The following SYNE2 variants were observed in gnomAD, a reference collection of about 807,000 sequenced individuals.
SYNE2 encodes spectrin repeat containing nuclear envelope protein 2, also known as nesprin-2.
SYNE2 carries 431 observed loss-of-function variants against 856.3 expected under a neutral mutation model. The ratio of observed to expected loss-of-function variants is 0.50; its 90% confidence interval spans 0.47 to 0.55. The LOEUF is 0.55. Ranked by LOEUF, SYNE2 falls within the 20% of genes least tolerant of loss-of-function variation. SYNE2 has a pLI of 0.00. For missense variants in SYNE2, 8,129 were observed against 8,023.2 expected, an observed-to-expected ratio of 1.01 and a Z score of -0.50; for synonymous variants, 2,923 against 2,872.3, an observed-to-expected ratio of 1.02 and a Z score of -0.56.
intron 10 of SYNE2, among the ~76,000 whole-genome samples, chr14:63,965,354 C>T (rs1269295655): frequency 6.6e-6 from 1 of 152,106 alleles, no homozygotes; most frequent in Admixed American, 6.6e-5. Flanking sequence ...CCCAGTTTTA[C>T]AGATGAAGAT....
intron 2 of SYNE2, among the ~76,000 whole-genome samples, chr14:63,939,880 A>G (rs901719088): frequency 2.0e-5 from 3 of 152,178 alleles, no homozygotes; most frequent in African/African-American, 4.8e-5. Flanking sequence ...TTCAGTGGCG[A>G]TATATTCTCC....
intron 1 of SYNE2, among the ~76,000 whole-genome samples, chr14:63,821,612 G>A (rs1482590441): frequency 6.6e-6 from 1 of 151,786 alleles, no homozygotes; most frequent in African/African-American, 2.4e-5. Context: ...AAATTAGCTG[G>A]GCATGGCAGT....
At chr14:63,887,312 A>G (rs781562324) in intron 1 of SYNE2, among the ~76,000 whole-genome samples, 83 of 152,304 alleles carry the variant, frequency 5.4e-4, no homozygotes, top group Admixed American at 2.1e-3. Flanking sequence ...AAGAAACCCT[A>G]AATGTATGGA....
At chr14:63,942,465 C>T (rs1480762411) in intron 6 of SYNE2, among the ~76,000 whole-genome samples, 5 of 151,832 alleles carry the variant, frequency 3.3e-5, no homozygotes, top group South Asian at 2.1e-4. Flanking sequence ...ACTACAGATG[C>T]GCGCCACCAT....
At chr14:64,090,799 A>T in intron 59 of SYNE2, 67 bp from the exon 60 acceptor site, 1 of 1,367,680 alleles carries the variant, frequency 7.3e-7, no homozygotes, top group African/African-American at 1.5e-5. Context: ...TTTAATTTTG[A>T]ATAATTAAAT....
rs535779186 is a variant in SYNE2 at position 63,967,996 on chromosome 14, C to G, written c.1128+150C>G. 4.3e-5 allele frequency: 31 copies of G among 723,416 alleles called. No individual in the cohort carries two copies. The East Asian group carries it at 7.6e-4, about 18-fold the overall frequency. The allele number at this position is 723,416 out of a possible 1,614,324, so 44.8% of individuals were successfully genotyped here. On this transcript the variant is annotated intron_variant, in intron 11 of 115. Transcript: ENST00000555002. The stretch of plus-strand genomic sequence containing the variant: ...TGGCCAACATGGCGAAACCCTGTCT[C>G]TACTAAAAATACAGAAATTAGCAGG...
chr14:64,176,819 ATGGAGTCT>A (rs1354645907), intron 95 of SYNE2, among the ~76,000 whole-genome samples: 2 of 149,612 alleles, frequency 1.3e-5, no homozygotes, highest in African/African-American at 2.5e-5. Flanking sequence ...TTATTTTAAG[ATGGAGTCT>A]TGCTCTGTCA....
chr14:64,041,060 A>G (rs908093355), intron 45 of SYNE2, among the ~76,000 whole-genome samples: 5 of 152,170 alleles, frequency 3.3e-5, no homozygotes, highest in African/African-American at 1.2e-4. Flanking sequence ...TAAGTTCTTC[A>G]AGGAACTGTC....
In SYNE2 at chr14:64,141,530, C is replaced by G; in HGVS notation, c.15159+7C>G. 6.2e-7 allele frequency: 1 copy of G among 1,613,194 alleles called. No individual in the cohort carries two copies. Among genetic ancestry groups the G allele is most frequent in the Non-Finnish European group, 8.5e-7 (1 of 1,179,414 alleles). ...TCAAGAAAAACTTCACCAGGTAAGT[C>G]TTTAGAGCCTCAGCATTTGAATTAG... On this transcript the variant is annotated splice_region_variant and intron_variant, in intron 81 of 115. Transcript: ENST00000555002.
In SYNE2 at chr14:64,052,172, C is replaced by T; in HGVS notation, c.8259C>T (p.Ser2753=). The part of the protein sequence containing the change: ...AKNLLGELNP[S]IPLLPDDILS... ...ATTTGTTGGGTGAACTTAATCCCTCCATTCCCCTTCTCCCAGATGACATTC... is the reference window on the plus strand; with the variant it reads ...ATTTGTTGGGTGAACTTAATCCCTCTATTCCCCTTCTCCCAGATGACATTC... The change falls in exon 48 of 116, where the codon TCC becomes TCT. Residue 2753 remains serine (S), a synonymous_variant. Transcript: ENST00000555002. 1 of 1,614,156 alleles carries T rather than the reference C, an allele frequency of 6.2e-7. No individual in the cohort carries two copies. The highest frequency in any genetic ancestry group is 8.5e-7 in the Non-Finnish European group (1 of 1,180,036).
chr14:64,006,062 G>A (rs1359685529), intron 30 of SYNE2, among the ~76,000 whole-genome samples: 4 of 152,198 alleles, frequency 2.6e-5, no homozygotes, highest in Non-Finnish European at 5.9e-5. Flanking sequence ...GAGTGGAACA[G>A]GGATTTTGCA....
At position 64,026,535 on chromosome 14, in the gene SYNE2, A is replaced by C. The variant is rs1391180581; in HGVS notation, c.6253-44A>C. ...TAAAGAGATAGCATGTAGTATCTCT[A>C]AGTAATGCAAATGACATTATAAAAT... On this transcript the variant is annotated intron_variant, in intron 41 of 115. Transcript: ENST00000555002. The C allele has an allele frequency of 2.0e-6, 3 of 1,485,746 alleles. No individual in the cohort carries two copies. In the South Asian group the frequency reaches 3.5e-5, roughly 17 times the overall value. 92.0% of individuals were successfully genotyped at this position (1,485,746 alleles called of 1,614,324 possible). A position where few individuals can be genotyped will look rare whatever the true frequency, so the allele number is the denominator to read the frequency against.
chr14:64,139,497 C>T (rs2098123920), intron 79 of SYNE2, among the ~76,000 whole-genome samples: 1 of 152,026 alleles, frequency 6.6e-6, no homozygotes, highest in African/African-American at 2.4e-5. Context: ...CTGCAACCTC[C>T]ACCTCTTGGG....
rs567292660 is a variant in SYNE2 at position 63,785,449 on chromosome 14, C to T, written c.-305+23463C>T. Among the ~76,000 whole-genome samples the T allele has an allele frequency of 2.0e-5, 3 of 152,016 alleles. No homozygotes were observed. The South Asian group carries it at 6.2e-4, about 32-fold the overall frequency. ...CTCCAGTCTGGGTGACAGAGTGAGA[C>T]CCCATCTCAAAAACAAAACAAAACA... On this transcript the variant is annotated intron_variant, in intron 1 of 23. Coordinates refer to the SYNE2 transcript ENST00000674003.
intron 32 of SYNE2, among the ~76,000 whole-genome samples, chr14:64,010,459 C>CT (rs1567043695): frequency 3.0e-4 from 46 of 152,012 alleles, no homozygotes; most frequent in African/African-American, 1.0e-3. Flanking sequence ...AGAAGGAAGA[C>CT]GGTGGGAAAA....
At chr14:64,015,439 C>T (rs2096885302) in intron 32 of SYNE2, among the ~76,000 whole-genome samples, 1 of 151,780 alleles carries the variant, frequency 6.6e-6, no homozygotes, top group Non-Finnish European at 1.5e-5. Context: ...TTCAAAGTAT[C>T]TGTCCATTTC....
Position 64,084,912 on chromosome 14 carries a change from C to T in SYNE2, c.11485-2759C>T, listed in dbSNP as rs1036392130. 20 of 701,158 alleles carry T rather than the reference C, an allele frequency of 2.9e-5. No homozygotes were observed. In the African/African-American group the frequency reaches 3.0e-4, roughly 10 times the overall value. The allele number at this position is 701,158 out of a possible 1,614,324, so 43.4% of individuals were successfully genotyped here. On this transcript the variant is annotated intron_variant, in intron 57 of 115. Transcript: ENST00000555002. ...TGAGGGAGGAGGTGGGATCTGCTTCCAAGCTCATTCCCGTGGCTGTTGACA... is the reference window on the plus strand; with the variant it reads ...TGAGGGAGGAGGTGGGATCTGCTTCTAAGCTCATTCCCGTGGCTGTTGACA...
chr14:63,916,440 C>T (rs914757549), intron 2 of SYNE2, among the ~76,000 whole-genome samples: 3 of 152,126 alleles, frequency 2.0e-5, no homozygotes, highest in Non-Finnish European at 4.4e-5. Flanking sequence ...TTTCGGAGTT[C>T]CTCGAAGTAT....
chr14:64,020,858 A>G (rs1052364212), intron 35 of SYNE2, among the ~76,000 whole-genome samples: 4 of 152,116 alleles, frequency 2.6e-5, no homozygotes, highest in African/African-American at 9.7e-5. Flanking sequence ...CGGCTGTACT[A>G]CCTACTAGCT....
Sources: gnomAD v4.1 joint callset for allele counts (sites outside exome capture counted in the v4.1 genomes callset) on GRCh38, gnomAD v4.1.1 for gene constraint, MANE v1.5 for transcripts, NCBI Gene and HGNC (gene_info 2026-07-23, HGNC 2026-07-21) for gene names.